PTPRD: variants seen among roughly 807,000 people sequenced by gnomAD.
PTPRD encodes the protein receptor-type tyrosine-protein phosphatase delta.
PTPRD carries 34 observed loss-of-function variants against 214.5 expected under a neutral mutation model. That is an observed-to-expected ratio of 0.16 (90% CI 0.12 to 0.21). The LOEUF (loss-of-function observed/expected upper bound fraction) is 0.21. PTPRD is among the 10% of genes least tolerant of loss of function. PTPRD has a pLI of 1.00. For missense variants in PTPRD, 2,545 were observed against 2,398.7 expected, an observed-to-expected ratio of 1.06 and a Z score of -1.27; for synonymous variants, 1,128 against 845.7, an observed-to-expected ratio of 1.33 and a Z score of -5.79.
At chr9:9,356,993 A>C (rs766005483) in intron 9 of PTPRD, among the ~76,000 whole-genome samples, 1 of 151,328 alleles carries the variant, frequency 6.6e-6, no homozygotes, top group African/African-American at 2.4e-5. Flanking sequence ...AAAGCATCCA[A>C]GGGGGATTTG....
Position 8,439,177 on chromosome 9 carries a change from A to G in PTPRD, c.3989-2488T>C, listed in dbSNP as rs571436526. 2.0e-5 allele frequency among the ~76,000 whole-genome samples: 3 copies of G among 152,312 alleles called. No individual in the cohort carries two copies. In the East Asian group the frequency reaches 5.8e-4, roughly 29 times the overall value. On this transcript the variant is annotated intron_variant, in intron 34 of 45. Transcript: ENST00000381196. ...AGGGAGGAGAATCTGTGTGAATCCA[A>G]TGGTACAGGAGAAAGAACCCTGGCT...
intron 9 of PTPRD, among the ~76,000 whole-genome samples, chr9:9,197,939 C>T (rs956373620): frequency 1.3e-5 from 2 of 152,160 alleles, no homozygotes; most frequent in Non-Finnish European, 2.9e-5. Flanking sequence ...AATTGCATAG[C>T]ATCAAGCTTT....
intron 4 of PTPRD, among the ~76,000 whole-genome samples, chr9:10,031,918 G>A (rs1157357114): frequency 6.6e-6 from 1 of 151,990 alleles, no homozygotes; most frequent in Non-Finnish European, 1.5e-5. Flanking sequence ...GCAGTATTAG[G>A]TTTTGAATGA....
At chr9:9,234,014 G>A (rs539461049) in intron 9 of PTPRD, among the ~76,000 whole-genome samples, 60 of 152,234 alleles carry the variant, frequency 3.9e-4, no homozygotes, top group Admixed American at 6.5e-4. Context: ...GTAGTGCCCC[G>A]GTGGGGACTC....
chr9:10,457,552 T>C (rs2098927653), intron 2 of PTPRD, among the ~76,000 whole-genome samples: 1 of 152,024 alleles, frequency 6.6e-6, no homozygotes, highest in African/African-American at 2.4e-5. Context: ...TAAAATTATT[T>C]CCATTTTGGG....
chr9:9,916,738 T>A (rs1237926845), intron 5 of PTPRD, among the ~76,000 whole-genome samples: 3 of 152,016 alleles, frequency 2.0e-5, no homozygotes, highest in African/African-American at 7.2e-5. Context: ...CAAATGGATC[T>A]AATTTACAAA....
At chr9:8,493,020 T>C in intron 26 of PTPRD, 41 bp from the exon 27 acceptor site, 1 of 1,512,672 alleles carries the variant, frequency 6.6e-7, no homozygotes, top group Non-Finnish European at 9.2e-7. Context: ...CAAAACATGC[T>C]ACTAATGCTC....
intron 8 of PTPRD, among the ~76,000 whole-genome samples, chr9:9,426,460 C>T (rs867098106): frequency 1.3e-5 from 2 of 152,318 alleles, no homozygotes; most frequent in Non-Finnish European, 2.9e-5. Context: ...CTGCCTGCCT[C>T]TGTAGACTCC....
chr9:10,575,567 G>C (rs1226182259), intron 2 of PTPRD, among the ~76,000 whole-genome samples: 1 of 152,044 alleles, frequency 6.6e-6, no homozygotes, highest in Non-Finnish European at 1.5e-5. Context: ...TGTAAAGTAT[G>C]GCTTTATTTT....
chr9:9,736,949 GAATCATCTT>G (rs1309594848), intron 6 of PTPRD, among the ~76,000 whole-genome samples: 1 of 151,734 alleles, frequency 6.6e-6, no homozygotes, highest in Non-Finnish European at 1.5e-5. Flanking sequence ...CAGTCCTATT[GAATCATCTT>G]TACTTATGTG....
At chr9:8,604,117 C>T (rs2095053896) in intron 14 of PTPRD, among the ~76,000 whole-genome samples, 1 of 152,250 alleles carries the variant, frequency 6.6e-6, no homozygotes, top group South Asian at 2.1e-4. Flanking sequence ...ACTATGTGCC[C>T]AGTACTGTTG....
chr9:9,179,555 A>T, intron 10 of PTPRD, among the ~76,000 whole-genome samples: 1 of 152,090 alleles, frequency 6.6e-6, no homozygotes, highest in Non-Finnish European at 1.5e-5. Context: ...ATACCCTCTA[A>T]CATTCTCAAT....
At chr9:8,609,855 TACAAATAA>T (rs1174432721) in intron 14 of PTPRD, among the ~76,000 whole-genome samples, 1 of 152,190 alleles carries the variant, frequency 6.6e-6, no homozygotes, top group Non-Finnish European at 1.5e-5. Flanking sequence ...TTTTTCCTTA[TACAAATAA>T]TATAAAGGAG....
intron 34 of PTPRD, among the ~76,000 whole-genome samples, chr9:8,449,066 C>G (rs1297750355): frequency 6.6e-6 from 1 of 152,156 alleles, no homozygotes; most frequent in Non-Finnish European, 1.5e-5. Context: ...CAATATTGTG[C>G]AGAAGGCCCC....
chr9:10,601,081 T>A (rs1044794393), intron 2 of PTPRD, among the ~76,000 whole-genome samples: 1 of 151,788 alleles, frequency 6.6e-6, no homozygotes, highest in Admixed American at 6.6e-5. Flanking sequence ...TGAAGATTCC[T>A]TGATGTCACA....
chr9:8,855,273 C>A (rs577787515), intron 11 of PTPRD, among the ~76,000 whole-genome samples: 5 of 151,966 alleles, frequency 3.3e-5, no homozygotes, highest in African/African-American at 9.7e-5. Flanking sequence ...TAGTTCCAGA[C>A]TTTGAGATAT....
chr9:10,483,312 C>G (rs966589728), intron 2 of PTPRD, among the ~76,000 whole-genome samples: 1 of 151,854 alleles, frequency 6.6e-6, no homozygotes, highest in African/African-American at 2.4e-5. Context: ...TAAATCTAAC[C>G]CCTAACACCA....
At chr9:9,317,796 T>G (rs941831622) in intron 9 of PTPRD, among the ~76,000 whole-genome samples, 1 of 152,182 alleles carries the variant, frequency 6.6e-6, no homozygotes, top group Non-Finnish European at 1.5e-5. Context: ...AAATTCATGA[T>G]ATTAATAATT....
chr9:10,449,739 G>T (rs2098827024), intron 2 of PTPRD, among the ~76,000 whole-genome samples: 1 of 151,854 alleles, frequency 6.6e-6, no homozygotes, highest in Non-Finnish European at 1.5e-5. Flanking sequence ...CATCTGGGAG[G>T]TGTACCCAAC....
Sources: gnomAD v4.1 joint callset for allele counts (sites outside exome capture counted in the v4.1 genomes callset) on GRCh38, gnomAD v4.1.1 for gene constraint, MANE v1.5 for transcripts, NCBI Gene and HGNC (gene_info 2026-07-23, HGNC 2026-07-21) for gene names.